Variants in ZSCAN10 observed in about 807,000 individuals in gnomAD.
ZSCAN10 encodes zinc finger and SCAN domain containing 10.
ZSCAN10 carries 52 observed loss-of-function variants against 63.7 expected under a neutral mutation model. The observed-to-expected ratio is 0.82, with a 90% CI of 0.65 to 1.03. ZSCAN10 has a LOEUF of 1.03. Ranked by LOEUF, ZSCAN10 falls within the 50% of genes least tolerant of loss-of-function variation. ZSCAN10 has a pLI of 0.00. For synonymous variants in ZSCAN10, 544 were observed against 479.6 expected, an observed-to-expected ratio of 1.13 and a Z score of -1.76; for missense variants, 1,223 against 1,103.8, an observed-to-expected ratio of 1.11 and a Z score of -1.53.
At chr16:3,094,543 C>T (rs1482894877) in intron 1 of ZSCAN10, among the ~76,000 whole-genome samples, 2 of 151,998 alleles carry the variant, frequency 1.3e-5, no homozygotes, top group African/African-American at 4.8e-5. Flanking sequence ...TGGGGTTTCA[C>T]CATGTTGGCC....
Position 3,089,044 on chromosome 16 carries a change from A to G in ZSCAN10, c.*47T>C. On this transcript the variant is annotated 3_prime_UTR_variant, in exon 6 of 6. Transcript: ENST00000576985. ...TTCCTGCAGGCCTCCGCTGTGGAGG[A>G]CCCCGGGTAGGTGGCGCAGGGCGCG... The G allele has an allele frequency of 2.8e-6, 4 of 1,445,648 alleles. No individual in the cohort carries two copies. Among genetic ancestry groups the G allele is most frequent in the African/African-American group, 1.5e-5 (1 of 67,066 alleles). 89.6% of individuals were successfully genotyped at this position (1,445,648 alleles called of 1,614,324 possible).
intron 1 of ZSCAN10, among the ~76,000 whole-genome samples, chr16:3,097,641 C>A (rs1957168716): frequency 6.6e-6 from 1 of 152,184 alleles, no homozygotes; most frequent in Non-Finnish European, 1.5e-5. Flanking sequence ...CAGGCAGCCC[C>A]CATCCTCCCA....
Position 3,089,142 on chromosome 16 carries a change from G to C in ZSCAN10, c.2292C>G (p.Asn764Lys), listed in dbSNP as rs1012270016. ...CTQCGRSFSRNSHLLRHLRTH... is the reference protein window; with the variant it reads ...CTQCGRSFSRKSHLLRHLRTH... The stretch of plus-strand genomic sequence containing the variant: ...TGCGCAGGTGGCGCAGCAGGTGGGA[G>C]TTGCGGCTGAAGCTGCGGCCACACT... Residue 764 changes from asparagine (N) to lysine (K), a missense_variant, in exon 6 of 6, where the codon AAC becomes AAG. By Grantham distance (94) the Asn-to-Lys change is moderately conservative. Coordinates refer to ENST00000576985, the MANE Select transcript of ZSCAN10 (RefSeq NM_032805.3). The C allele has an allele frequency of 7.2e-6, 11 of 1,527,194 alleles. No individual in the cohort carries two copies. The highest frequency in any genetic ancestry group is 1.4e-5 in the African/African-American group (1 of 71,758). The allele number at this position is 1,527,194 out of a possible 1,614,324, so 94.6% of individuals were successfully genotyped here. A position where few individuals can be genotyped will look rare whatever the true frequency, so the allele number is the denominator to read the frequency against.
Position 3,089,965 on chromosome 16 carries a change from C to A in ZSCAN10, c.1469G>T (p.Ser490Ile). 2 of 1,544,208 alleles carry A rather than the reference C, an allele frequency of 1.3e-6. No homozygotes were observed. Among genetic ancestry groups the A allele is most frequent in the Non-Finnish European group, 1.7e-6 (2 of 1,147,678 alleles). ...GTGGATCCGCAGGTGGCGCTTGAGG[C>A]TGGAGCGGCGCTGGAAGCTCTGGCC... ...HCGQSFQRRS[S>I]LKRHLRIHAR... The change falls in exon 6 of 6, where the codon AGC becomes ATC. Residue 490 changes from serine to isoleucine, a missense_variant. Ser to Ile is a moderately radical substitution (Grantham distance 142, BLOSUM62 -2). Coordinates refer to ENST00000576985, the MANE Select transcript of ZSCAN10 (RefSeq NM_032805.3).
In ZSCAN10 at chr16:3,091,544, G is replaced by C. The variant is rs374166778; in HGVS notation, c.783C>G (p.Pro261=). Residue 261 remains proline, a synonymous_variant, in exon 5 of 6, where the codon CCC becomes CCG. Transcript: ENST00000576985. ...CTCCAGGGAAGGGTTGCTTACCCAG[G>C]GGGTGTGCAGGCCACGCCTTATTCT... ...VPENKAWPAH[P]LGFGSRTPDK... is the part of the protein sequence containing the mutation. 73 of 1,614,144 alleles carry C rather than the reference G, an allele frequency of 4.5e-5. No individual in the cohort carries two copies. In the Admixed American group the frequency reaches 5.5e-4, roughly 12 times the overall value.
rs1409809973 is a variant in ZSCAN10, at chr16:3,088,897, G to A, written c.*194C>T. Reference sequence around the variant, plus strand: ...AGAAATAAAGAGGGGCCATTTTGGAGAAGGCCATTTTACTTCGGGCGTTTT... The same window carrying A: ...AGAAATAAAGAGGGGCCATTTTGGAAAAGGCCATTTTACTTCGGGCGTTTT... On this transcript the variant is annotated 3_prime_UTR_variant, in exon 6 of 6. Transcript: ENST00000576985. 2.7e-6 allele frequency: 3 copies of A among 1,115,014 alleles called. No individual in the cohort carries two copies. Among genetic ancestry groups the A allele is most frequent in the African/African-American group, 1.7e-5 (1 of 60,582 alleles). 69.1% of individuals were successfully genotyped at this position (1,115,014 alleles called of 1,614,324 possible).
Position 3,091,848 on chromosome 16 carries a change from G to T in ZSCAN10, c.665-20C>A. 6.3e-7 allele frequency: 1 copy of T among 1,575,928 alleles called. No individual in the cohort carries two copies. The highest frequency in any genetic ancestry group is 8.6e-7 in the Non-Finnish European group (1 of 1,160,996). On this transcript the variant is annotated intron_variant, in intron 3 of 5. Transcript: ENST00000576985. ...GGGGACCTGACGGCATTGGGGAAGA[G>T]GGGAGGAAGTGCTGTTAGAAGGCAG...
intron 1 of ZSCAN10, among the ~76,000 whole-genome samples, chr16:3,094,975 C>G (rs573584699): frequency 1.4e-4 from 21 of 151,350 alleles, no homozygotes; most frequent in Admixed American, 1.1e-3. Flanking sequence ...TAGGAAATGG[C>G]TGAGTTCTTA....
At position 3,089,721 on chromosome 16, in the gene ZSCAN10, C is replaced by T. The variant is rs773007749; in HGVS notation, c.1713G>A (p.Val571=). ...AGGCGTAGGGCTTCTCGCCCGTGTG[C>T]ACCCGTTGGTGGCTGACCAGCTGCG... ...QSSQLVSHQR[V]HTGEKPYACP... The change falls in exon 6 of 6, where the codon GTG becomes GTA. Residue 571 remains valine (V), a synonymous_variant. Transcript: ENST00000576985. 4 of 1,603,476 alleles carry T rather than the reference C, an allele frequency of 2.5e-6. No homozygotes were observed. Among genetic ancestry groups the T allele is most frequent in the Admixed American group, 1.7e-5 (1 of 59,790 alleles).
At chr16:3,090,890 CA>C (rs398058044) in intron 5 of ZSCAN10, among the ~76,000 whole-genome samples, 240 of 63,736 alleles carry the variant, frequency 3.8e-3, no homozygotes, top group African/African-American at 7.3e-3. Context: ...CCCGTCTCTA[CA>C]AAAAAAAAAA....
chr16:3,098,104 G>C (rs2151219662), intron 1 of ZSCAN10, among the ~76,000 whole-genome samples: 1 of 151,408 alleles, frequency 6.6e-6, no homozygotes, highest in East Asian at 1.9e-4. Flanking sequence ...AAAAAAGAGT[G>C]GGGGAGGGGG....
intron 5 of ZSCAN10, among the ~76,000 whole-genome samples, chr16:3,090,938 C>T (rs1013363347): frequency 1.3e-5 from 2 of 150,578 alleles, no homozygotes; most frequent in Non-Finnish European, 2.9e-5. Flanking sequence ...GGTGTAGTGG[C>T]GCATGCCTGT....
At position 3,092,163 on chromosome 16, in the gene ZSCAN10, G is replaced by A. The variant is rs767503165; in HGVS notation, c.550C>T (p.Pro184Ser). The A allele has an allele frequency of 1.8e-4, 292 of 1,613,362 alleles. 3 individuals carry two copies. The Admixed American group carries it at 4.8e-3, about 27-fold the overall frequency. ...VLGPSDEPPR[P>S]QPRAAQPAEP... is the part of the protein sequence containing the mutation. ...GCAGGCTGGGCAGCCCTTGGCTGGG[G>A]TCGGGGAGGCTCATCCGATGGGCCC... Residue 184 changes from proline (P) to serine (S), a missense_variant, in exon 3 of 6, where the codon CCC becomes TCC. Physicochemically the swap from Pro to Ser is moderately conservative, Grantham distance 74. Transcript: ENST00000576985.
rs200255207 is a variant in ZSCAN10, at chr16:3,092,356, G to C, written c.397-40C>G. The C allele has an allele frequency of 2.8e-5, 43 of 1,560,614 alleles. No individual in the cohort carries two copies. In the Middle Eastern group the frequency reaches 1.2e-3, roughly 43 times the overall value. ...TTCAAGTTAAGTGACTCCCGGGGTG[G>C]CAACCTGTGTCCTGACTCCGAGGGG... On this transcript the variant is annotated intron_variant, in intron 2 of 5. Coordinates refer to ENST00000576985, the MANE Select transcript of ZSCAN10 (RefSeq NM_032805.3).
intron 1 of ZSCAN10, 113 bp from the exon 2 acceptor site, chr16:3,093,117 C>T (rs1957108997): frequency 2.5e-6 from 2 of 804,768 alleles, no homozygotes; most frequent in Admixed American, 4.0e-5. Flanking sequence ...TCGCTTTTCT[C>T]ACTGGGTAAT....
chr16:3,092,163 G>T lies in ZSCAN10; in HGVS notation c.550C>A (p.Pro184Thr). 6.2e-7 allele frequency: 1 copy of T among 1,613,362 alleles called. No homozygotes were observed. The highest frequency in any genetic ancestry group is 1.1e-5 in the South Asian group (1 of 91,078). Residue 184 changes from proline (P) to threonine (T), a missense_variant, in exon 3 of 6, where the codon CCC (proline) becomes ACC (threonine). Transcript: ENST00000576985. ...VLGPSDEPPR[P>T]QPRAAQPAEP... ...GCAGGCTGGGCAGCCCTTGGCTGGG[G>T]TCGGGGAGGCTCATCCGATGGGCCC... is the stretch of plus-strand genomic sequence containing the variant.
In ZSCAN10 at chr16:3,090,324, G is replaced by T. The variant is rs764303344; in HGVS notation, c.1110C>A (p.His370Gln). 6.2e-7 allele frequency: 1 copy of T among 1,609,842 alleles called. No individual in the cohort carries two copies. Among genetic ancestry groups the T allele is most frequent in the African/African-American group, 1.3e-5 (1 of 74,804 alleles). ...SRLKAHQLRS[H>Q]PAGRSFLCLC... The stretch of plus-strand genomic sequence containing the variant: ...GGCACAGGAAGGAGCGCCCAGCCGG[G>T]TGCGAGCGCAGCTGGTGCGCCTTCA... The change falls in exon 6 of 6, where the codon CAC becomes CAA. Residue 370 changes from histidine to glutamine, a missense_variant. By Grantham distance (24) the His-to-Gln change is conservative. Coordinates refer to ENST00000576985, the MANE Select transcript of ZSCAN10 (RefSeq NM_032805.3).
chr16:3,092,140 A>G lies in ZSCAN10; in HGVS notation c.573T>C (p.Pro191=), dbSNP rs1199789880. Residue 191 remains proline, a synonymous_variant, in exon 3 of 6, where the codon CCT becomes CCC. Transcript: ENST00000576985. ...GAAGCCTCCACTGTCCCGGCTCAGC[A>G]GGCTGGGCAGCCCTTGGCTGGGGTC... The part of the protein sequence containing the change: ...PPRPQPRAAQ[P]AEPGQWRLPP... 4 of 1,613,314 alleles carry G rather than the reference A, an allele frequency of 2.5e-6. No individual in the cohort carries two copies. The highest frequency in any genetic ancestry group is 1.1e-5 in the South Asian group (1 of 91,038).
chr16:3,092,606 T>C lies in ZSCAN10; in HGVS notation c.332A>G (p.Asp111Gly), dbSNP rs762525377. The change falls in exon 2 of 6, where the codon GAT (aspartate) becomes GGT (glycine). Residue 111 changes from aspartate (D) to glycine (G), a missense_variant. Transcript: ENST00000576985. Reference protein sequence around the residue: ...LGRLQGQPLRDGEEVVLLLEG... With the variant: ...LGRLQGQPLRGGEEVVLLLEG... ...GAGCAGCAGCACCACCTCCTCCCCA[T>C]CCCTGAGCGGCTGCCCCTGCAGGCG... The C allele has an allele frequency of 3.7e-6, 6 of 1,601,774 alleles. No homozygotes were observed. The South Asian group carries it at 6.7e-5, about 18-fold the overall frequency.
Sources: allele counts gnomAD v4.1 joint callset (sites outside exome capture counted in the v4.1 genomes callset), GRCh38; gene constraint gnomAD v4.1.1; transcripts MANE v1.5; gene names NCBI Gene and HGNC (gene_info 2026-07-23, HGNC 2026-07-21).